Variants in SNX29 observed in about 807,000 individuals in gnomAD.
SNX29 encodes the protein sorting nexin-29.
SNX29 carries 78 observed loss-of-function variants against 102.1 expected under a neutral mutation model. The ratio of observed to expected loss-of-function variants is 0.76; its 90% CI spans 0.64 to 0.92. The LOEUF (loss-of-function observed/expected upper bound fraction) is 0.92. Among genes scored for constraint, SNX29 ranks in the 40% least tolerant of loss-of-function variants. SNX29 has a pLI of 0.00. For synonymous variants in SNX29, 580 were observed against 414.5 expected (o/e 1.40, Z -4.85); for missense variants, 1,280 against 1,061.7 (o/e 1.21, Z -2.86).
chr16:12,259,834 C>T (rs539488710), intron 14 of SNX29, among the ~76,000 whole-genome samples: 13 of 150,470 alleles, frequency 8.6e-5, no homozygotes, highest in African/African-American at 2.2e-4. Flanking sequence ...CTTTGATGAG[C>T]GTGGTTCAGG....
intron 20 of SNX29, among the ~76,000 whole-genome samples, chr16:12,549,857 G>T (rs755527921): frequency 3.9e-5 from 6 of 152,270 alleles, no homozygotes; most frequent in African/African-American, 1.4e-4. Flanking sequence ...TGACTGTGGT[G>T]AAACAGCCAA....
chr16:11,994,924 C>T (rs913519020), intron 1 of SNX29, among the ~76,000 whole-genome samples: 4 of 152,136 alleles, frequency 2.6e-5, no homozygotes, highest in African/African-American at 7.2e-5. Context: ...GTGACTGTCC[C>T]TGTCACATGG....
intron 19 of SNX29, among the ~76,000 whole-genome samples, chr16:12,520,221 C>T (rs926086906): frequency 6.6e-6 from 1 of 152,176 alleles, no homozygotes; most frequent in African/African-American, 2.4e-5. Flanking sequence ...TGCAGCCCCA[C>T]CTGCCCCTGC....
chr16:12,109,644 CATG>C (rs2053422509), intron 11 of SNX29, among the ~76,000 whole-genome samples: 1 of 152,098 alleles, frequency 6.6e-6, no homozygotes, highest in Admixed American at 6.5e-5. Flanking sequence ...CAAGGAGGGA[CATG>C]GTGAGTAGGG....
chr16:12,520,578 A>G (rs905753803), intron 19 of SNX29, among the ~76,000 whole-genome samples: 12 of 152,218 alleles, frequency 7.9e-5, no homozygotes, highest in African/African-American at 2.9e-4. Context: ...ATGGATAAAG[A>G]AAATATGGTT....
intron 13 of SNX29, among the ~76,000 whole-genome samples, chr16:12,130,358 C>T (rs1412356883): frequency 6.6e-6 from 1 of 150,936 alleles, no homozygotes; most frequent in Non-Finnish European, 1.5e-5. Context: ...GCCTGTAGTC[C>T]CAGCTACGCG....
intron 15 of SNX29, among the ~76,000 whole-genome samples, chr16:12,334,932 A>G (rs1453960699): frequency 7.2e-6 from 1 of 139,608 alleles, no homozygotes; most frequent in Non-Finnish European, 1.5e-5. Context: ...AAAAAGCAAC[A>G]GTCTTTCAAA....
At chr16:12,018,433 A>G (rs76585929) in intron 3 of SNX29, among the ~76,000 whole-genome samples, 1 of 150,662 alleles carries the variant, frequency 6.6e-6, no homozygotes, top group African/African-American at 2.4e-5. Flanking sequence ...AAAAAAAAAA[A>G]TCAGCCGGGC....
intron 20 of SNX29, among the ~76,000 whole-genome samples, chr16:12,557,070 G>C (rs9933240): frequency 0.015 from 2,192 of 144,394 alleles, 53 homozygotes; most frequent in African/African-American, 0.053. Flanking sequence ...TGGCCTCAGA[G>C]TCTGCCAGGC....
chr16:12,431,444 TTTTG>T (rs1231045452), intron 18 of SNX29, among the ~76,000 whole-genome samples: 96 of 151,906 alleles, frequency 6.3e-4, no homozygotes, highest in Non-Finnish European at 1.0e-3. Flanking sequence ...CTTTTTTTTT[TTTTG>T]TTTTTGTTTT....
chr16:12,456,897 G>A (rs529947589), intron 18 of SNX29, among the ~76,000 whole-genome samples: 46 of 152,242 alleles, frequency 3.0e-4, no homozygotes, highest in Admixed American at 1.9e-3. Context: ...CAGAAGGCCC[G>A]GGGCATTAGC....
At chr16:12,491,401 C>T (rs555579528) in intron 19 of SNX29, among the ~76,000 whole-genome samples, 7 of 152,278 alleles carry the variant, frequency 4.6e-5, no homozygotes, top group African/African-American at 1.7e-4. Context: ...GGTGAGAATT[C>T]CCATTGTTTC....
At chr16:12,030,059 G>C (rs1370619053) in intron 4 of SNX29, among the ~76,000 whole-genome samples, 1 of 152,194 alleles carries the variant, frequency 6.6e-6, no homozygotes, top group Non-Finnish European at 1.5e-5. Context: ...GCAGCCTTGG[G>C]CAATGAGGAT....
chr16:11,988,739 GT>G (rs376713867), intron 1 of SNX29, among the ~76,000 whole-genome samples: 580 of 149,692 alleles, frequency 3.9e-3, no homozygotes, highest in Non-Finnish European at 5.8e-3. Flanking sequence ...CCATGCTAGT[GT>G]TTTTTTTTTA....
chr16:12,534,040 G>T (rs1374977819), intron 20 of SNX29, among the ~76,000 whole-genome samples: 1 of 152,366 alleles, frequency 6.6e-6, no homozygotes, highest in African/African-American at 2.4e-5. Context: ...GCATAAGTCT[G>T]TTTAACATGT....
chr16:12,157,412 C>G (rs529869400), intron 13 of SNX29, among the ~76,000 whole-genome samples: 1 of 152,060 alleles, frequency 6.6e-6, no homozygotes, highest in South Asian at 2.1e-4. Flanking sequence ...GGGCAGGGGA[C>G]GTGGGGTCAT....
At chr16:12,106,370 G>A (rs2053240172) in intron 11 of SNX29, among the ~76,000 whole-genome samples, 1 of 152,070 alleles carries the variant, frequency 6.6e-6, no homozygotes, top group Non-Finnish European at 1.5e-5. Context: ...TCTTCTTGGT[G>A]GTGCCATTAC....
intron 20 of SNX29, among the ~76,000 whole-genome samples, chr16:12,551,502 C>A (rs7206557): frequency 0.029 from 4,377 of 152,258 alleles, 140 homozygotes; most frequent in South Asian, 0.11. Context: ...AATCTTTGGG[C>A]CTCAGCATCA....
At chr16:12,298,998 A>G (rs1036433000) in intron 15 of SNX29, among the ~76,000 whole-genome samples, 38 of 137,350 alleles carry the variant, frequency 2.8e-4, no homozygotes, top group Non-Finnish European at 3.4e-4. Context: ...TGAGTCTTTA[A>G]AAAAAAAAAA....
Sources: allele counts gnomAD v4.1 joint callset (sites outside exome capture counted in the v4.1 genomes callset), GRCh38; gene constraint gnomAD v4.1.1; transcripts MANE v1.5; gene names NCBI Gene and HGNC (gene_info 2026-07-23, HGNC 2026-07-21).